Variants in ITGA2 observed in about 807,000 individuals in gnomAD.
The protein encoded by ITGA2 is integrin alpha-2.
A neutral mutation model predicts 146.3 loss-of-function variants in ITGA2; 101 were observed. The observed-to-expected ratio is 0.69, with a 90% confidence interval of 0.59 to 0.81. ITGA2 has a LOEUF of 0.81. ITGA2 is among the 40% of genes least tolerant of loss of function. The probability of loss-of-function intolerance (pLI) is 0.00; values close to 1 mark genes in which losing one functional copy is unlikely to be tolerated. For synonymous variants in ITGA2, 477 were observed against 487.1 expected, an observed-to-expected ratio of 0.98 and a Z score of 0.27; for missense variants, 1,281 against 1,402.7, an observed-to-expected ratio of 0.91 and a Z score of 1.39.
intron 1 of ITGA2, among the ~76,000 whole-genome samples, chr5:53,003,726 G>A (rs888291822): frequency 6.6e-6 from 1 of 152,116 alleles, no homozygotes; most frequent in African/African-American, 2.4e-5. Flanking sequence ...CTATGGATGG[G>A]GAGTGTCAAA....
chr5:53,032,574 C>T (rs551861143), intron 2 of ITGA2, among the ~76,000 whole-genome samples: 2 of 152,252 alleles, frequency 1.3e-5, no homozygotes, highest in South Asian at 2.1e-4. Flanking sequence ...TCCAAACGTA[C>T]ATATTTTTGT....
chr5:53,059,284 C>A (rs1428452244), intron 10 of ITGA2, among the ~76,000 whole-genome samples: 1 of 151,784 alleles, frequency 6.6e-6, no homozygotes, highest in Non-Finnish European at 1.5e-5. Flanking sequence ...GCTAAAGTTG[C>A]CTCTTGTAGC....
intron 1 of ITGA2, among the ~76,000 whole-genome samples, chr5:53,024,881 A>C (rs528162288): frequency 6.6e-6 from 1 of 152,310 alleles, no homozygotes; most frequent in South Asian, 2.1e-4. Context: ...ATTGGATTTT[A>C]TTCTCAGTTC....
At chr5:53,057,220 T>G (rs1744681016) in intron 9 of ITGA2, among the ~76,000 whole-genome samples, 1 of 151,986 alleles carries the variant, frequency 6.6e-6, no homozygotes, top group Non-Finnish European at 1.5e-5. Context: ...TATTATGGAC[T>G]TTGGGGAACA....
intron 12 of ITGA2, 102 bp downstream of exon 12, chr5:53,061,148 C>T (rs1475342466): frequency 2.7e-6 from 3 of 1,096,154 alleles, no homozygotes; most frequent in Non-Finnish European, 4.2e-6. Flanking sequence ...TGAGTGCCTA[C>T]TCTGTGATTG....
At chr5:53,041,340 C>G (rs1388272197) in intron 2 of ITGA2, among the ~76,000 whole-genome samples, 1 of 152,144 alleles carries the variant, frequency 6.6e-6, no homozygotes, top group African/African-American at 2.4e-5. Context: ...ACACCAATCT[C>G]ATCCTGTATT....
In ITGA2 at chr5:53,065,850, G is replaced by A; in HGVS notation, c.1816G>A (p.Gly606Arg). The A allele has an allele frequency of 6.2e-7, 1 of 1,611,722 alleles. No homozygotes were observed. Among genetic ancestry groups the A allele is most frequent in the Non-Finnish European group, 8.5e-7 (1 of 1,178,562 alleles). Residue 606 changes from glycine to arginine, a missense_variant, in exon 15 of 30, where the codon GGA becomes AGA. Gly to Arg is a moderately radical substitution (Grantham distance 125). Transcript: ENST00000296585. ...IRTKYSQKIL[G>R]SDGAFRSHLQ... The stretch of plus-strand genomic sequence containing the variant: ...AAACCTGCTCTTTTAGAAAATCTTG[G>A]GATCCGATGGAGCCTTTAGGAGCCA...
intron 24 of ITGA2, among the ~76,000 whole-genome samples, chr5:53,080,237 G>T (rs529200966): frequency 6.6e-6 from 1 of 152,044 alleles, no homozygotes; most frequent in Admixed American, 6.6e-5. Context: ...CATTATTGGC[G>T]CACTAAGCAT....
chr5:53,049,186 A>G (rs970240530), intron 6 of ITGA2, among the ~76,000 whole-genome samples: 2 of 151,870 alleles, frequency 1.3e-5, no homozygotes, highest in African/African-American at 4.8e-5. Context: ...TAATTTTTGT[A>G]TTTTTAGTAG....
chr5:53,061,162 C>A, intron 12 of ITGA2, 116 bp downstream of exon 12: 1 of 976,472 alleles, frequency 1.0e-6, no homozygotes, highest in African/African-American at 1.6e-5. Flanking sequence ...GTGATTGGCT[C>A]TGTAATCTGA....
chr5:53,071,625 G>A (rs897985858), intron 17 of ITGA2, among the ~76,000 whole-genome samples: 5 of 151,824 alleles, frequency 3.3e-5, no homozygotes, highest in African/African-American at 1.2e-4. Context: ...TCAAATGTTA[G>A]GGTTTCATTT....
chr5:53,058,149 C>T, intron 10 of ITGA2, 48 bp downstream of exon 10: 1 of 1,339,132 alleles, frequency 7.5e-7, no homozygotes, highest in Non-Finnish European at 1.1e-6. Flanking sequence ...TGGCATAACA[C>T]TTCCAGACAC....
At chr5:53,014,378 T>A (rs762848272) in intron 1 of ITGA2, among the ~76,000 whole-genome samples, 10 of 152,178 alleles carry the variant, frequency 6.6e-5, no homozygotes, top group Non-Finnish European at 1.5e-4. Context: ...TTGTTTTTAG[T>A]TCTGTTTATG....
At chr5:52,996,242 G>T (rs923662984) in intron 1 of ITGA2, among the ~76,000 whole-genome samples, 9 of 152,100 alleles carry the variant, frequency 5.9e-5, no homozygotes, top group Non-Finnish European at 1.3e-4. Context: ...TGTTACTTAT[G>T]GTGCTGCATG....
At chr5:53,012,550 T>C (rs1742187653) in intron 1 of ITGA2, among the ~76,000 whole-genome samples, 1 of 152,148 alleles carries the variant, frequency 6.6e-6, no homozygotes, top group Admixed American at 6.6e-5. Flanking sequence ...TGAATAGCAC[T>C]GCAATGAACA....
intron 1 of ITGA2, among the ~76,000 whole-genome samples, chr5:53,004,514 A>G (rs947978026): frequency 2.6e-5 from 4 of 152,122 alleles, no homozygotes; most frequent in African/African-American, 7.2e-5. Flanking sequence ...TGGAGTGCCT[A>G]TTGTATACCC....
intron 1 of ITGA2, among the ~76,000 whole-genome samples, chr5:52,990,553 T>A (rs915923188): frequency 5.0e-5 from 7 of 138,656 alleles, no homozygotes; most frequent in Admixed American, 8.2e-5. Context: ...TCTCTGATTT[T>A]AAAGTGTGTG....
At chr5:53,024,676 T>C (rs1742855676) in intron 1 of ITGA2, among the ~76,000 whole-genome samples, 1 of 152,146 alleles carries the variant, frequency 6.6e-6, no homozygotes, top group East Asian at 1.9e-4. Context: ...CATGCCGTAT[T>C]AGGTGAGGAT....
chr5:53,057,470 C>G (rs1744697751), intron 9 of ITGA2, among the ~76,000 whole-genome samples: 1 of 151,838 alleles, frequency 6.6e-6, no homozygotes, highest in Non-Finnish European at 1.5e-5. Context: ...TATACAGAAC[C>G]AGAACAAACT....
Sources: allele counts gnomAD v4.1 joint callset (sites outside exome capture counted in the v4.1 genomes callset), GRCh38; gene constraint gnomAD v4.1.1; transcripts MANE v1.5; gene names NCBI Gene and HGNC (gene_info 2026-07-23, HGNC 2026-07-21).